Variants in RGL1 observed in about 807,000 individuals in gnomAD.
The protein encoded by RGL1 is ral guanine nucleotide dissociation stimulator-like 1.
Under a neutral mutation model 95.2 loss-of-function variants are expected in RGL1, and 24 were observed. The ratio of observed to expected loss-of-function variants is 0.25; its 90% CI spans 0.18 to 0.35. RGL1 has a LOEUF of 0.35. Ranked by LOEUF, RGL1 falls within the 10% of genes least tolerant of loss-of-function variation. The pLI is 1.00. For missense variants in RGL1, 715 were observed against 936.3 expected (o/e 0.76, Z 3.08); for synonymous variants, 329 against 344.9 (o/e 0.95, Z 0.51).
In RGL1 at chr1:183,773,015, C is replaced by CAAAAAAAAAAAAAAAA. The variant is rs60100787; in HGVS notation, c.132+30745_132+30760dup. Among the ~76,000 whole-genome samples, 9 of 72,442 alleles carry CAAAAAAAAAAAAAAAA rather than the reference C, an allele frequency of 1.2e-4. 1 individual carries two copies. Among genetic ancestry groups the CAAAAAAAAAAAAAAAA allele is most frequent in the African/African-American group, 2.3e-4 (5 of 21,430 alleles). 47.5% of individuals were successfully genotyped at this position (72,442 alleles called of 152,430 possible). Reference sequence around the variant, plus strand: ...TGGGCGACAGAGCAAGACTCCGTCTCAAAAAAAAAAAAAAAAAAAAAAAAA... The same window carrying CAAAAAAAAAAAAAAAA: ...TGGGCGACAGAGCAAGACTCCGTCTCAAAAAAAAAAAAAAAAAAAAAAAAAAAAAAAAAAAAAAAAA... On this transcript the variant is annotated intron_variant, in intron 2 of 18. Coordinates refer to the RGL1 transcript ENST00000304685.
intron 1 of RGL1, among the ~76,000 whole-genome samples, chr1:183,640,031 G>C (rs1649817589): frequency 6.6e-6 from 1 of 151,886 alleles, no homozygotes; most frequent in Non-Finnish European, 1.5e-5. Context: ...TAGTAGAGAC[G>C]GGGTTTCACC....
intron 1 of RGL1, among the ~76,000 whole-genome samples, chr1:183,643,688 C>T (rs865950925): frequency 6.6e-6 from 1 of 151,752 alleles, no homozygotes; most frequent in Non-Finnish European, 1.5e-5. Context: ...TGGGCTAAAA[C>T]GATACTCCCA....
At chr1:183,677,349 T>C (rs948874320) in intron 1 of RGL1, among the ~76,000 whole-genome samples, 1 of 151,926 alleles carries the variant, frequency 6.6e-6, no homozygotes, top group Non-Finnish European at 1.5e-5. Context: ...CGCTGCCCAT[T>C]GCTATACCTC....
chr1:183,779,510 A>G (rs1659788472), intron 2 of RGL1, among the ~76,000 whole-genome samples: 1 of 151,954 alleles, frequency 6.6e-6, no homozygotes, highest in African/African-American at 2.4e-5. Context: ...CAGCCTCCCA[A>G]AGTTGCTGGG....
chr1:183,821,715 G>A (rs1439209925), intron 2 of RGL1, among the ~76,000 whole-genome samples: 5 of 152,184 alleles, frequency 3.3e-5, no homozygotes, highest in Admixed American at 3.3e-4. Context: ...GTGAACTAAG[G>A]ATAGCTTACT....
intron 4 of RGL1, among the ~76,000 whole-genome samples, chr1:183,866,559 G>A (rs567221103): frequency 2.6e-5 from 4 of 152,280 alleles, no homozygotes; most frequent in East Asian, 1.9e-4. Flanking sequence ...AGGCAGGAGC[G>A]GTGTTTGAGA....
At chr1:183,750,436 T>G (rs1460750618) in intron 2 of RGL1, among the ~76,000 whole-genome samples, 1 of 152,244 alleles carries the variant, frequency 6.6e-6, no homozygotes, top group East Asian at 1.9e-4. Context: ...TTCTCTAAAT[T>G]GGTTATTCTA....
chr1:183,822,504 G>T (rs936807981), intron 2 of RGL1, among the ~76,000 whole-genome samples: 10 of 152,106 alleles, frequency 6.6e-5, no homozygotes, highest in Admixed American at 4.6e-4. Flanking sequence ...GGAACAGGCG[G>T]CCTTTTGCCT....
chr1:183,725,551 C>A (rs1236414476), intron 1 of RGL1, among the ~76,000 whole-genome samples: 2 of 150,818 alleles, frequency 1.3e-5, no homozygotes, highest in East Asian at 1.9e-4. Context: ...TATTAATAGC[C>A]AAAAAAAATA....
intron 2 of RGL1, among the ~76,000 whole-genome samples, chr1:183,818,618 C>T (rs1005898331): frequency 1.3e-5 from 2 of 152,082 alleles, no homozygotes; most frequent in Admixed American, 6.6e-5. Context: ...TTGCCCTATT[C>T]GTTTCAGTGT....
intron 1 of RGL1, among the ~76,000 whole-genome samples, chr1:183,643,453 G>T (rs2101979683): frequency 6.6e-6 from 1 of 152,012 alleles, no homozygotes; most frequent in South Asian, 2.1e-4. Context: ...CACCATGCCT[G>T]GCTAACTTTT....
chr1:183,924,367 C>CA (rs1276522300), intron 17 of RGL1, among the ~76,000 whole-genome samples: 1 of 151,940 alleles, frequency 6.6e-6, no homozygotes, highest in Non-Finnish European at 1.5e-5. Flanking sequence ...AACACAGGAA[C>CA]AAAAAACCAA....
At chr1:183,920,511 C>T (rs895930074) in intron 16 of RGL1, among the ~76,000 whole-genome samples, 14 of 152,292 alleles carry the variant, frequency 9.2e-5, no homozygotes, top group Non-Finnish European at 1.3e-4. Context: ...GTAATAAACA[C>T]GCAAGGGAAA....
chr1:183,897,694 G>C (rs1226972294), intron 9 of RGL1, 114 bp from the exon 10 acceptor site: 6 of 677,078 alleles, frequency 8.9e-6, no homozygotes, highest in Non-Finnish European at 1.3e-5. Context: ...CATTTTGCAT[G>C]GTGTTCCGAG....
At chr1:183,745,312 C>G (rs1367370762) in intron 2 of RGL1, among the ~76,000 whole-genome samples, 7 of 151,982 alleles carry the variant, frequency 4.6e-5, no homozygotes, top group African/African-American at 1.4e-4. Context: ...TTTCCCACTC[C>G]TAAATTTTTG....
chr1:183,911,236 G>C lies in RGL1; in HGVS notation c.1563-846G>C, dbSNP rs192410062. The stretch of plus-strand genomic sequence containing the variant: ...CAAATTGGAGTGAGGCACAGACCCA[G>C]CTCACACATGACTTCATAGGAGACA... On this transcript the variant is annotated intron_variant, in intron 14 of 17. Coordinates refer to ENST00000360851, the MANE Select transcript of RGL1 (RefSeq NM_001297671.3). 1.2e-3 allele frequency among the ~76,000 whole-genome samples: 182 copies of C among 152,320 alleles called. 1 individual carries two copies. Among genetic ancestry groups the C allele is most frequent in the Admixed American group, 1.6e-3 (24 of 15,304 alleles).
chr1:183,709,026 G>A (rs898657377), intron 1 of RGL1, among the ~76,000 whole-genome samples: 1 of 152,170 alleles, frequency 6.6e-6, no homozygotes, highest in African/African-American at 2.4e-5. Flanking sequence ...ACCTAAAATG[G>A]CATCAGCACC....
intron 2 of RGL1, among the ~76,000 whole-genome samples, chr1:183,816,848 A>G (rs529367343): frequency 2.2e-4 from 34 of 152,234 alleles, no homozygotes; most frequent in African/African-American, 7.5e-4. Context: ...ATGTTCAGCT[A>G]GGAGGAGTGC....
intron 15 of RGL1, among the ~76,000 whole-genome samples, chr1:183,914,533 G>T (rs1668847117): frequency 6.6e-6 from 1 of 152,150 alleles, no homozygotes; most frequent in African/African-American, 2.4e-5. Context: ...TGACCTGAGA[G>T]CCTGTGACAG....
Sources: allele counts gnomAD v4.1 joint callset (sites outside exome capture counted in the v4.1 genomes callset), GRCh38; gene constraint gnomAD v4.1.1; transcripts MANE v1.5; gene names NCBI Gene and HGNC (gene_info 2026-07-23, HGNC 2026-07-21).